The following CCBE1 variants were observed in gnomAD, a reference collection of about 807,000 sequenced individuals.
CCBE1 encodes the protein collagen and calcium binding EGF domains 1, also known as collagen and calcium-binding EGF domain-containing protein 1.
CCBE1 carries 37 observed loss-of-function variants against 50.0 expected under a neutral mutation model. That is an observed-to-expected ratio of 0.74 (90% confidence interval 0.57 to 0.97). The LOEUF is 0.97. CCBE1 is among the 50% of genes least tolerant of loss of function. CCBE1 has a pLI of 0.00. For synonymous variants in CCBE1, 234 were observed against 203.7 expected, an observed-to-expected ratio of 1.15 and a Z score of -1.27; for missense variants, 538 against 523.8, an observed-to-expected ratio of 1.03 and a Z score of -0.26.
chr18:59,548,416 TG>T (rs1915790514), intron 2 of CCBE1, among the ~76,000 whole-genome samples: 1 of 151,798 alleles, frequency 6.6e-6, no homozygotes, highest in Non-Finnish European at 1.5e-5. Context: ...ATGAAGGAGG[TG>T]GGTTAGGGTG....
At chr18:59,618,840 G>GTT (rs5825352) in intron 2 of CCBE1, among the ~76,000 whole-genome samples, 94 of 151,466 alleles carry the variant, frequency 6.2e-4, no homozygotes, top group Admixed American at 1.1e-3. Flanking sequence ...AAACTACCCA[G>GTT]TTTTTTTTTA....
intron 2 of CCBE1, among the ~76,000 whole-genome samples, chr18:59,629,459 C>T (rs377696952): frequency 5.9e-5 from 9 of 152,148 alleles, no homozygotes; most frequent in Non-Finnish European, 8.8e-5. Context: ...TGTTTATGTG[C>T]CTCTCTCCCT....
chr18:59,447,752 C>T (rs539386406), intron 7 of CCBE1, among the ~76,000 whole-genome samples: 12 of 152,238 alleles, frequency 7.9e-5, no homozygotes, highest in African/African-American at 2.9e-4. Flanking sequence ...TATCCAATCC[C>T]AGGACAATGA....
chr18:59,598,186 C>T (rs1177455759), intron 2 of CCBE1, among the ~76,000 whole-genome samples: 1 of 152,124 alleles, frequency 6.6e-6, no homozygotes, highest in Non-Finnish European at 1.5e-5. Flanking sequence ...GATTTATTAC[C>T]GAGTATCAAG....
intron 2 of CCBE1, among the ~76,000 whole-genome samples, chr18:59,671,974 C>T (rs1357194900): frequency 1.3e-5 from 2 of 152,118 alleles, no homozygotes; most frequent in African/African-American, 4.8e-5. Flanking sequence ...CTGCAAAACC[C>T]TCAACAGGAC....
At chr18:59,571,423 A>T (rs1318151781) in intron 2 of CCBE1, among the ~76,000 whole-genome samples, 1 of 147,844 alleles carries the variant, frequency 6.8e-6, no homozygotes, top group Non-Finnish European at 1.5e-5. Flanking sequence ...TGGGAATTGA[A>T]CAATGAGAAC....
chr18:59,529,422 T>G (rs1914961813), intron 2 of CCBE1, among the ~76,000 whole-genome samples: 1 of 152,238 alleles, frequency 6.6e-6, no homozygotes, highest in Non-Finnish European at 1.5e-5. Context: ...TCTTAGGCAG[T>G]CTACAGCCAA....
At chr18:59,541,300 G>A (rs1029784633) in intron 2 of CCBE1, among the ~76,000 whole-genome samples, 5 of 152,196 alleles carry the variant, frequency 3.3e-5, no homozygotes, top group African/African-American at 1.2e-4. Context: ...ATGTTCTGAT[G>A]ATGGGAAACT....
intron 2 of CCBE1, among the ~76,000 whole-genome samples, chr18:59,569,536 A>G (rs1322449464): frequency 1.3e-5 from 2 of 152,198 alleles, no homozygotes; most frequent in Non-Finnish European, 2.9e-5. Context: ...TAACACAGCT[A>G]GTAAATTAGA....
At chr18:59,542,037 A>G (rs1216697551) in intron 2 of CCBE1, among the ~76,000 whole-genome samples, 1 of 151,888 alleles carries the variant, frequency 6.6e-6, no homozygotes, top group Admixed American at 6.6e-5. Flanking sequence ...TTAGCCGGGT[A>G]TGGTAGCACG....
chr18:59,519,078 G>A (rs1261951291), intron 2 of CCBE1, among the ~76,000 whole-genome samples: 1 of 152,150 alleles, frequency 6.6e-6, no homozygotes, highest in African/African-American at 2.4e-5. Flanking sequence ...ATGAACTTAA[G>A]TCGTTGTCTC....
chr18:59,651,104 A>G (rs574903460), intron 2 of CCBE1, among the ~76,000 whole-genome samples: 1 of 152,200 alleles, frequency 6.6e-6, no homozygotes, highest in African/African-American at 2.4e-5. Flanking sequence ...AATTGTGATG[A>G]CTTTTTACCC....
rs569018426 is a variant in CCBE1 at position 59,642,809 on chromosome 18, C to A, written c.212+53820G>T. On this transcript the variant is annotated intron_variant, in intron 2 of 10. Coordinates refer to ENST00000439986, the MANE Select transcript of CCBE1 (RefSeq NM_133459.4). ...CTAAAAATACAAAAAATTAGCCAGG[C>A]GTGATGGTAGGTGCCTGTAATCCCA... Among the ~76,000 whole-genome samples the A allele has an allele frequency of 5.9e-5, 9 of 151,872 alleles. No homozygotes were observed. The East Asian group carries it at 1.6e-3, about 26-fold the overall frequency.
chr18:59,693,021 C>G (rs1407554753), intron 2 of CCBE1, among the ~76,000 whole-genome samples: 3 of 150,114 alleles, frequency 2.0e-5, no homozygotes, highest in African/African-American at 7.4e-5. Context: ...AAACGCAAAG[C>G]CAAACCTATC....
chr18:59,633,495 C>T (rs1243087216), intron 2 of CCBE1, among the ~76,000 whole-genome samples: 6 of 152,210 alleles, frequency 3.9e-5, no homozygotes, highest in Non-Finnish European at 5.9e-5. Context: ...CTATTGCGCT[C>T]GGGCCCATGC....
intron 2 of CCBE1, among the ~76,000 whole-genome samples, chr18:59,656,531 T>G (rs6567110): frequency 0.42 from 63,578 of 152,084 alleles, 14,136 homozygotes; most frequent in African/African-American, 0.56. Flanking sequence ...CTTTAAATTG[T>G]TCTTAAAGGA....
chr18:59,468,595 C>G (rs182097616), intron 4 of CCBE1, among the ~76,000 whole-genome samples: 1 of 152,150 alleles, frequency 6.6e-6, no homozygotes, highest in Non-Finnish European at 1.5e-5. Context: ...ACCAGAGGAC[C>G]TACGGTTAGA....
At chr18:59,543,206 C>T (rs1349212358) in intron 2 of CCBE1, among the ~76,000 whole-genome samples, 1 of 152,128 alleles carries the variant, frequency 6.6e-6, no homozygotes, top group Non-Finnish European at 1.5e-5. Flanking sequence ...TAGGATTCTG[C>T]ACAAATGACC....
At chr18:59,672,320 C>T (rs552367516) in intron 2 of CCBE1, among the ~76,000 whole-genome samples, 7 of 152,246 alleles carry the variant, frequency 4.6e-5, no homozygotes, top group Admixed American at 1.3e-4. Context: ...CACAAGCTGC[C>T]GCTGTCCCAA....
Sources: allele counts gnomAD v4.1 joint callset (sites outside exome capture counted in the v4.1 genomes callset), GRCh38; gene constraint gnomAD v4.1.1; transcripts MANE v1.5; gene names NCBI Gene and HGNC (gene_info 2026-07-23, HGNC 2026-07-21).